TMEM117: variants seen among roughly 807,000 people sequenced by gnomAD.
The protein encoded by TMEM117 is transmembrane protein 117.
Under a neutral mutation model 52.4 loss-of-function variants are expected in TMEM117, and 27 were observed. The observed-to-expected ratio is 0.51, with a 90% confidence interval of 0.38 to 0.71. The LOEUF is 0.71. Among genes scored for constraint, TMEM117 ranks in the 30% least tolerant of loss-of-function variants. The probability of loss-of-function intolerance (pLI) is 0.00; values close to 1 mark genes in which losing one functional copy is unlikely to be tolerated. For missense variants in TMEM117, 556 were observed against 630.5 expected (o/e 0.88, Z 1.26); for synonymous variants, 215 against 206.3 (o/e 1.04, Z -0.36).
At chr12:44,345,990 T>G (rs1951481483) in intron 6 of TMEM117, among the ~76,000 whole-genome samples, 1 of 152,128 alleles carries the variant, frequency 6.6e-6, no homozygotes, top group Non-Finnish European at 1.5e-5. Flanking sequence ...AATTCCCTCT[T>G]TTAAAAGATG....
At chr12:43,910,517 A>G (rs1204243137) in intron 2 of TMEM117, among the ~76,000 whole-genome samples, 1 of 147,944 alleles carries the variant, frequency 6.8e-6, no homozygotes, top group Non-Finnish European at 1.5e-5. Context: ...GGAGAAGGAA[A>G]TAAAGGGTAT....
intron 2 of TMEM117, among the ~76,000 whole-genome samples, chr12:43,942,905 G>A (rs765585440): frequency 2.6e-5 from 4 of 152,094 alleles, no homozygotes; most frequent in Non-Finnish European, 4.4e-5. Context: ...TAGGATGGGC[G>A]TGGTGGCTCA....
At chr12:44,024,210 G>A (rs940815005) in intron 3 of TMEM117, among the ~76,000 whole-genome samples, 3 of 152,136 alleles carry the variant, frequency 2.0e-5, no homozygotes, top group African/African-American at 2.4e-5. Context: ...AGGGTGTGAC[G>A]GCAAAGAAAA....
intron 6 of TMEM117, among the ~76,000 whole-genome samples, chr12:44,373,152 T>C (rs758366204): frequency 4.6e-5 from 7 of 152,216 alleles, no homozygotes; most frequent in Non-Finnish European, 7.3e-5. Flanking sequence ...CAGTTACACA[T>C]GTTGCTGACT....
chr12:43,958,431 A>T (rs914518697), intron 3 of TMEM117, among the ~76,000 whole-genome samples: 4 of 152,222 alleles, frequency 2.6e-5, no homozygotes, highest in African/African-American at 9.6e-5. Context: ...AATTACCAAT[A>T]TTAATACATC....
intron 3 of TMEM117, among the ~76,000 whole-genome samples, chr12:44,047,769 G>C (rs1946903082): frequency 1.3e-5 from 2 of 152,114 alleles, no homozygotes; most frequent in Non-Finnish European, 2.9e-5. Context: ...TATATTACTG[G>C]ATATAGTTGG....
intron 6 of TMEM117, among the ~76,000 whole-genome samples, chr12:44,332,112 A>T (rs1419019152): frequency 1.3e-5 from 2 of 152,074 alleles, no homozygotes; most frequent in Non-Finnish European, 2.9e-5. Flanking sequence ...ACCAAGTCCC[A>T]GAGAAGACAC....
At chr12:44,076,123 T>C (rs1947378333) in intron 3 of TMEM117, among the ~76,000 whole-genome samples, 3 of 152,188 alleles carry the variant, frequency 2.0e-5, no homozygotes, top group Admixed American at 2.0e-4. Flanking sequence ...ACCTCAGGCA[T>C]TGCATTAAAA....
the TMEM117 span, among the ~76,000 whole-genome samples, chr12:43,806,963 C>G: frequency 1.3e-5 from 2 of 152,222 alleles, no homozygotes; most frequent in East Asian, 3.8e-4. Flanking sequence ...GCAAATCCTG[C>G]TCTGCTTTAG....
At chr12:43,890,335 G>A (rs968701933) in intron 2 of TMEM117, among the ~76,000 whole-genome samples, 6 of 152,040 alleles carry the variant, frequency 3.9e-5, no homozygotes, top group Non-Finnish European at 2.9e-5. Context: ...CTGTAAGACC[G>A]TTAGTGAAAA....
At chr12:43,895,137 C>T (rs960081574) in intron 2 of TMEM117, among the ~76,000 whole-genome samples, 19 of 152,144 alleles carry the variant, frequency 1.2e-4, no homozygotes, top group Admixed American at 1.2e-3. Context: ...TGATTCTCTT[C>T]CTCCTCCCAC....
chr12:43,941,529 G>A lies in TMEM117; in HGVS notation c.278-2681G>A, dbSNP rs1945044669. Among the ~76,000 whole-genome samples the A allele has an allele frequency of 2.6e-5, 4 of 152,162 alleles. No homozygotes were observed. The South Asian group carries it at 8.3e-4, about 32-fold the overall frequency. On this transcript the variant is annotated intron_variant, in intron 2 of 7. Transcript: ENST00000266534. ...ATCCTCAGGCAGTTCCAAGGTTCTTGGTCTGATTACATTGCATGGGAGAAG... is the reference window on the plus strand; with the variant it reads ...ATCCTCAGGCAGTTCCAAGGTTCTTAGTCTGATTACATTGCATGGGAGAAG...
At chr12:44,313,454 T>A (rs1951016222) in intron 6 of TMEM117, among the ~76,000 whole-genome samples, 1 of 152,214 alleles carries the variant, frequency 6.6e-6, no homozygotes, top group Non-Finnish European at 1.5e-5. Flanking sequence ...ACTTTTCAGA[T>A]CTATTATTCT....
intron 3 of TMEM117, among the ~76,000 whole-genome samples, chr12:44,118,432 T>A (rs1346774678): frequency 6.6e-6 from 1 of 152,136 alleles, no homozygotes; most frequent in Admixed American, 6.6e-5. Context: ...GAGCTTTATT[T>A]TAAAAGAGAA....
intron 3 of TMEM117, among the ~76,000 whole-genome samples, chr12:43,985,977 G>A (rs991192107): frequency 3.9e-5 from 6 of 152,062 alleles, no homozygotes; most frequent in Non-Finnish European, 7.4e-5. Flanking sequence ...GCAGTCCCAC[G>A]TCTTGTCTTA....
At chr12:44,004,663 C>T (rs148479638) in intron 3 of TMEM117, among the ~76,000 whole-genome samples, 64 of 152,192 alleles carry the variant, frequency 4.2e-4, no homozygotes, top group African/African-American at 1.1e-3. Context: ...CACCTCTTTC[C>T]TCTTTCATTT....
intron 6 of TMEM117, among the ~76,000 whole-genome samples, chr12:44,349,672 T>C (rs1951535608): frequency 6.6e-6 from 1 of 152,052 alleles, no homozygotes; most frequent in Non-Finnish European, 1.5e-5. Flanking sequence ...CATCCTTCTT[T>C]CCCTGAGGGC....
At chr12:43,922,538 C>G (rs1337365924) in intron 2 of TMEM117, among the ~76,000 whole-genome samples, 1 of 152,154 alleles carries the variant, frequency 6.6e-6, no homozygotes, top group African/African-American at 2.4e-5. Context: ...GTTAGCATGA[C>G]TTAGCCTCAT....
chr12:44,047,565 T>C (rs1477685050), intron 3 of TMEM117, among the ~76,000 whole-genome samples: 4 of 152,208 alleles, frequency 2.6e-5, no homozygotes, highest in Admixed American at 2.0e-4. Flanking sequence ...TTTTATTTTC[T>C]AGTTCACTAT....
Sources: gnomAD v4.1 joint callset for allele counts (sites outside exome capture counted in the v4.1 genomes callset) on GRCh38, gnomAD v4.1.1 for gene constraint, MANE v1.5 for transcripts, NCBI Gene and HGNC (gene_info 2026-07-23, HGNC 2026-07-21) for gene names.